Variants in TCF4 observed in about 807,000 individuals in gnomAD.
TCF4 encodes SL3-3 enhancer factor 2.
Under a neutral mutation model 82.1 loss-of-function variants are expected in TCF4, and 3 were observed. The ratio of observed to expected loss-of-function variants is 0.04; its 90% CI spans 0.02 to 0.09. The LOEUF is 0.09. Ranked by LOEUF, TCF4 falls within the 10% of genes least tolerant of loss-of-function variation. TCF4 has a pLI of 1.00. For synonymous variants in TCF4, 276 were observed against 309.6 expected (o/e 0.89, Z 1.14); for missense variants, 518 against 852.7 (o/e 0.61, Z 4.89).
chr18:55,521,170 G>C (rs2096929901), intron 3 of TCF4, among the ~76,000 whole-genome samples: 1 of 151,974 alleles, frequency 6.6e-6, no homozygotes, highest in Non-Finnish European at 1.5e-5. Context: ...AAAAATAAAT[G>C]GAATTATCGT....
intron 5 of TCF4, among the ~76,000 whole-genome samples, chr18:55,427,269 T>G (rs1219590243): frequency 6.6e-6 from 1 of 152,174 alleles, no homozygotes; most frequent in Non-Finnish European, 1.5e-5. Flanking sequence ...GGGGAAAACA[T>G]TGGAAGGGGA....
intron 3 of TCF4, among the ~76,000 whole-genome samples, chr18:55,526,130 A>G (rs1345733757): frequency 6.6e-6 from 1 of 152,106 alleles, no homozygotes; most frequent in Non-Finnish European, 1.5e-5. Flanking sequence ...TTGAAGTTCC[A>G]CTGGACTCAA....
chr18:55,538,794 A>G (rs934028995), intron 3 of TCF4, among the ~76,000 whole-genome samples: 3 of 152,236 alleles, frequency 2.0e-5, no homozygotes, highest in African/African-American at 7.2e-5. Flanking sequence ...ATGGCTGTAT[A>G]TCTATCTTTA....
chr18:55,627,642 G>A (rs1426040645), intron 2 of TCF4, among the ~76,000 whole-genome samples: 1 of 152,144 alleles, frequency 6.6e-6, no homozygotes, highest in Non-Finnish European at 1.5e-5. Context: ...GCAGGTGCCT[G>A]TAATCCCAGC....
At position 55,586,914 on chromosome 18, in the gene TCF4, T is replaced by A. The variant is rs546141221; in HGVS notation, c.72+131A>T. 2.9e-5 allele frequency: 22 copies of A among 769,288 alleles called. No individual in the cohort carries two copies. The African/African-American group carries it at 3.8e-4, about 13-fold the overall frequency. 47.7% of individuals were successfully genotyped at this position (769,288 alleles called of 1,614,324 possible). A position where few individuals can be genotyped will look rare whatever the true frequency, so the allele number is the denominator to read the frequency against. ...TAAAAACTTGTCAAAAAGACCTTCA[T>A]ATTTACCAAGGATTCAGCCAATTAA... On this transcript the variant is annotated intron_variant, in intron 2 of 19. Transcript: ENST00000354452.
intron 8 of TCF4, among the ~76,000 whole-genome samples, chr18:55,301,788 TAAAAAAAA>T (rs10652622): frequency 1.8e-5 from 1 of 56,320 alleles, no homozygotes. Context: ...CCAAAAACTG[TAAAAAAAA>T]AAAAAAAAAA....
chr18:55,274,920 T>G (rs2061153663), intron 10 of TCF4, among the ~76,000 whole-genome samples: 2 of 152,116 alleles, frequency 1.3e-5, no homozygotes, highest in South Asian at 4.1e-4. Context: ...AGACATACTA[T>G]GATAGATGAA....
At chr18:55,445,939 G>A (rs144290479) in intron 5 of TCF4, among the ~76,000 whole-genome samples, 1 of 152,296 alleles carries the variant, frequency 6.6e-6, no homozygotes, top group East Asian at 1.9e-4. Context: ...TCTTGAGTCA[G>A]AGACCCAACC....
chr18:55,247,205 C>T (rs184297484), intron 15 of TCF4, among the ~76,000 whole-genome samples: 7 of 152,308 alleles, frequency 4.6e-5, no homozygotes, highest in African/African-American at 1.7e-4. Flanking sequence ...CACTGAGCCT[C>T]ATGGCCTTCT....
rs375226571 is a variant in TCF4 at position 55,517,532 on chromosome 18, T to C, written c.146-53395A>G. Among the ~76,000 whole-genome samples, 5 of 152,230 alleles carry C rather than the reference T, an allele frequency of 3.3e-5. No individual in the cohort carries two copies. The East Asian group carries it at 7.7e-4, about 23-fold the overall frequency. On this transcript the variant is annotated intron_variant, in intron 3 of 19. Coordinates refer to ENST00000354452, the MANE Select transcript of TCF4 (RefSeq NM_001083962.2). ...ATGGTTATTGTTTTAAATCACTAAG[T>C]TTGGGGAATGTTTGCTATGCAGCGA...
chr18:55,395,546 G>C (rs1178594100), intron 6 of TCF4, among the ~76,000 whole-genome samples: 1 of 152,092 alleles, frequency 6.6e-6, no homozygotes, highest in Non-Finnish European at 1.5e-5. Flanking sequence ...ACTTGCCTAT[G>C]CTCCTAGCAC....
At chr18:55,302,237 A>G (rs1399725842) in intron 8 of TCF4, among the ~76,000 whole-genome samples, 3 of 152,242 alleles carry the variant, frequency 2.0e-5, no homozygotes, top group African/African-American at 7.2e-5. Context: ...GAGCAGATGA[A>G]GGTGGTAAAG....
Position 55,222,454 on chromosome 18 carries a change from A to G in TCF4, c.*5581T>C, listed in dbSNP as rs2045993867. ...TCTTTGGAAATTTCATAAAATTTAA[A>G]TATCTGCAAACAGTCCAACCAAAAA... On this transcript the variant is annotated 3_prime_UTR_variant, in exon 20 of 20. Coordinates refer to ENST00000354452, the MANE Select transcript of TCF4 (RefSeq NM_001083962.2). The G allele has an allele frequency of 6.6e-6, 1 of 152,258 alleles. No homozygotes were observed. The highest frequency in any genetic ancestry group is 1.5e-5 in the Non-Finnish European group (1 of 67,952). The allele number at this position is 152,258 out of a possible 1,614,324, so 9.4% of individuals were successfully genotyped here.
chr18:55,574,594 C>A (rs1204638953), intron 3 of TCF4, among the ~76,000 whole-genome samples: 1 of 152,194 alleles, frequency 6.6e-6, no homozygotes, highest in Non-Finnish European at 1.5e-5. Flanking sequence ...CTGCCTTGGC[C>A]TCCCAAAGTG....
chr18:55,588,162 G>GCCGCCGCCA lies in TCF4; in HGVS notation c.-146_-145insTGGCGGCGG. ...CTCCCGCGCCTGCTGCCTCCCCGCC[G>GCCGCCGCCA]CCGCCGCCGCCGCCGCCACTACAGA... On this transcript the variant is annotated 5_prime_UTR_variant, in exon 1 of 20. Coordinates refer to ENST00000354452, the MANE Select transcript of TCF4 (RefSeq NM_001083962.2). 2.7e-6 allele frequency: 3 copies of GCCGCCGCCA among 1,092,684 alleles called. No homozygotes were observed. The highest frequency in any genetic ancestry group is 3.3e-6 in the Non-Finnish European group (3 of 905,350). 67.7% of individuals were successfully genotyped at this position (1,092,684 alleles called of 1,614,324 possible).
chr18:55,497,432 G>T (rs954662438), intron 3 of TCF4, among the ~76,000 whole-genome samples: 6 of 152,194 alleles, frequency 3.9e-5, no homozygotes, highest in African/African-American at 1.2e-4. Context: ...AAAGAGAGAA[G>T]AAATTAAAAG....
chr18:55,244,629 C>T (rs1162370839), intron 15 of TCF4, among the ~76,000 whole-genome samples: 2 of 152,346 alleles, frequency 1.3e-5, no homozygotes, highest in East Asian at 3.9e-4. Context: ...GCCAGTCGGC[C>T]TCTGAAGTCT....
chr18:55,430,708 G>C (rs2095164234), intron 5 of TCF4, among the ~76,000 whole-genome samples: 1 of 152,170 alleles, frequency 6.6e-6, no homozygotes, highest in South Asian at 2.1e-4. Context: ...TGGATGTTGA[G>C]GGAGACAGGT....
intron 2 of TCF4, among the ~76,000 whole-genome samples, chr18:55,629,588 G>C (rs1180519895): frequency 6.6e-6 from 1 of 152,142 alleles, no homozygotes; most frequent in African/African-American, 2.4e-5. Flanking sequence ...TCAGAACCCG[G>C]GTGAGTGAAC....
Sources: gnomAD v4.1 joint callset for allele counts (sites outside exome capture counted in the v4.1 genomes callset) on GRCh38, gnomAD v4.1.1 for gene constraint, MANE v1.5 for transcripts, NCBI Gene and HGNC (gene_info 2026-07-23, HGNC 2026-07-21) for gene names.